DHX57: variants seen among roughly 807,000 people sequenced by gnomAD.
DHX57 encodes the protein putative ATP-dependent RNA helicase DHX57.
In DHX57, 105 loss-of-function variants were observed where a neutral mutation model predicts 156.2. The ratio of observed to expected loss-of-function variants is 0.67; its 90% CI spans 0.57 to 0.79. The LOEUF is 0.79. Among genes scored for constraint, DHX57 ranks in the 30% least tolerant of loss-of-function variants. The probability of loss-of-function intolerance (pLI) is 0.00; values close to 1 mark genes in which losing one functional copy is unlikely to be tolerated. For missense variants in DHX57, 1,847 were observed against 1,661.9 expected (o/e 1.11, Z -1.94); for synonymous variants, 704 against 595.6 (o/e 1.18, Z -2.65).
rs1273567561 is a variant in DHX57, at chr2:38,861,201, A to T, written c.1209T>A (p.Thr403=). 6.2e-7 allele frequency: 1 copy of T among 1,614,176 alleles called. No individual in the cohort carries two copies. The highest frequency in any genetic ancestry group is 1.7e-5 in the Admixed American group (1 of 60,020). The change falls in exon 5 of 24, where the codon ACT becomes ACA. Residue 403 remains threonine (T), a synonymous_variant. Coordinates refer to ENST00000457308, the MANE Select transcript of DHX57 (RefSeq NM_198963.3). The part of the protein sequence containing the change: ...LYDKALTFAE[T]SEPVVYSLIT... ...TCAAAGAATATACGACAGGTTCCGAAGTTTCCGCAAATGTCAAGGCCTTGT... is the reference window on the plus strand; with the variant it reads ...TCAAAGAATATACGACAGGTTCCGATGTTTCCGCAAATGTCAAGGCCTTGT...
rs1335256142 is a variant in DHX57, at chr2:38,798,215, C to T, written c.*84G>A. 19 of 1,532,470 alleles carry T rather than the reference C, an allele frequency of 1.2e-5. No homozygotes were observed. The East Asian group carries it at 4.1e-4, about 33-fold the overall frequency. 94.9% of individuals were successfully genotyped at this position (1,532,470 alleles called of 1,614,324 possible). ...TCCACCAGGGCCAGCCCCAATAGGTCTTTAGTTCGAGGTAGAGGTTCTGCT... is the reference window on the plus strand; with the variant it reads ...TCCACCAGGGCCAGCCCCAATAGGTTTTTAGTTCGAGGTAGAGGTTCTGCT... On this transcript the variant is annotated 3_prime_UTR_variant, in exon 24 of 24. Coordinates refer to ENST00000457308, the MANE Select transcript of DHX57 (RefSeq NM_198963.3).
intron 2 of DHX57, among the ~76,000 whole-genome samples, chr2:38,864,909 G>C (rs12712626): frequency 0.57 from 86,398 of 152,010 alleles, 26,154 homozygotes; most frequent in East Asian, 0.87. Flanking sequence ...ATTGTCAAAT[G>C]CAGTGGACAA....
In DHX57 at chr2:38,802,901, G is replaced by A. The variant is rs918313105; in HGVS notation, c.3831C>T (p.Asp1277=). The A allele has an allele frequency of 1.2e-6, 2 of 1,614,098 alleles. No homozygotes were observed. Among genetic ancestry groups the A allele is most frequent in the Middle Eastern group, 3.3e-4 (2 of 6,062 alleles). Residue 1277 remains aspartate, a synonymous_variant, in exon 23 of 24, where the codon GAC becomes GAT. Transcript: ENST00000457308. ...SSVNYQVRHF[D]SPYLLYHEKI... ...TCTCGTGGTACAACAGGTAGGGGCT[G>A]TCAAAGTGTCTCACCTGTAACAAAA...
At chr2:38,832,564 G>C (rs1436101332) in intron 13 of DHX57, among the ~76,000 whole-genome samples, 3 of 145,934 alleles carry the variant, frequency 2.1e-5, no homozygotes, top group Non-Finnish European at 4.5e-5. Flanking sequence ...TTTTTTTTTA[G>C]AGACAGAGTC....
rs1442075218 is a variant in DHX57 at position 38,854,982 on chromosome 2, C to T, written c.1905+75G>A. On this transcript the variant is annotated intron_variant, in intron 8 of 23. Coordinates refer to ENST00000457308, the MANE Select transcript of DHX57 (RefSeq NM_198963.3). ...TATATATCCCAAATTGCCCATGAAT[C>T]TCCTAACCCCCAAAACTTTTTATAC... 3 of 1,530,120 alleles carry T rather than the reference C, an allele frequency of 2.0e-6. No individual in the cohort carries two copies. In the African/African-American group the frequency reaches 4.1e-5, roughly 21 times the overall value. 94.8% of individuals were successfully genotyped at this position (1,530,120 alleles called of 1,614,324 possible). A position where few individuals can be genotyped will look rare whatever the true frequency, so the allele number is the denominator to read the frequency against.
intron 21 of DHX57, chr2:38,811,130 T>C: frequency 5.6e-6 from 3 of 537,566 alleles, no homozygotes; most frequent in South Asian, 1.7e-5. Flanking sequence ...GAGGTTCTCG[T>C]CCATGTTCCA....
chr2:38,797,913 A>AT lies in DHX57; in HGVS notation c.*385_*386insA. On this transcript the variant is annotated 3_prime_UTR_variant, in exon 24 of 24. Coordinates refer to ENST00000457308, the MANE Select transcript of DHX57 (RefSeq NM_198963.3). Reference sequence around the variant, plus strand: ...GGCGACAGGAAAAGAAAAAAAAAAAAGGCGTATTTCTCTTCATGCCCCTCT... The same window carrying AT: ...GGCGACAGGAAAAGAAAAAAAAAAAATGGCGTATTTCTCTTCATGCCCCTCT... 1 of 169,068 alleles carries AT rather than the reference A, an allele frequency of 5.9e-6. No individual in the cohort carries two copies. Among genetic ancestry groups the AT allele is most frequent in the African/African-American group, 2.4e-5 (1 of 40,864 alleles). 10.5% of individuals were successfully genotyped at this position (169,068 alleles called of 1,614,324 possible).
intron 1 of DHX57, among the ~76,000 whole-genome samples, chr2:38,874,165 T>C (rs1225049787): frequency 6.6e-6 from 1 of 152,058 alleles, no homozygotes; most frequent in African/African-American, 2.4e-5. Flanking sequence ...GATCATAGCT[T>C]ACTGCAGCCT....
At chr2:38,833,483 G>T (rs1001784791) in intron 13 of DHX57, among the ~76,000 whole-genome samples, 1 of 152,126 alleles carries the variant, frequency 6.6e-6, no homozygotes, top group Admixed American at 6.6e-5. Flanking sequence ...ATTGGGGCAA[G>T]ACAACAGATA....
chr2:38,815,750 G>A, intron 19 of DHX57, 95 bp from the exon 20 acceptor site: 6 of 1,502,462 alleles, frequency 4.0e-6, no homozygotes, highest in African/African-American at 1.4e-5. Context: ...CATTATTTCA[G>A]GGGGTAGCAA....
At chr2:38,841,129 G>C (rs982170432) in intron 12 of DHX57, among the ~76,000 whole-genome samples, 6 of 152,128 alleles carry the variant, frequency 3.9e-5, no homozygotes, top group African/African-American at 1.4e-4. Context: ...AACCTCAAAG[G>C]AATTTTCTTG....
At chr2:38,804,170 T>C (rs553314906) in intron 22 of DHX57, among the ~76,000 whole-genome samples, 1 of 152,270 alleles carries the variant, frequency 6.6e-6, no homozygotes, top group Non-Finnish European at 1.5e-5. Flanking sequence ...GTGTCTTTCC[T>C]ACCCAGCAAT....
chr2:38,826,162 G>T, intron 15 of DHX57, 115 bp from the exon 16 acceptor site: 1 of 1,100,994 alleles, frequency 9.1e-7, no homozygotes, highest in East Asian at 2.6e-5. Context: ...ACAGTGCCCT[G>T]TATATTCTGG....
chr2:38,811,583 C>T (rs3112216), intron 21 of DHX57: 404,738 of 1,303,470 alleles, frequency 0.31, 68,583 homozygotes, highest in Admixed American at 0.38. Context: ...CTTGTTCCTT[C>T]AGCCACACGA....
At chr2:38,842,753 C>T (rs1403907289) in intron 12 of DHX57, among the ~76,000 whole-genome samples, 1 of 152,088 alleles carries the variant, frequency 6.6e-6, no homozygotes, top group Non-Finnish European at 1.5e-5. Flanking sequence ...TTATATTTTA[C>T]TACCTCACAA....
At chr2:38,825,289 T>G (rs1476246785) in intron 16 of DHX57, among the ~76,000 whole-genome samples, 1 of 152,148 alleles carries the variant, frequency 6.6e-6, no homozygotes, top group Non-Finnish European at 1.5e-5. Flanking sequence ...ATTTCATTTT[T>G]ATTTTATTCA....
chr2:38,812,001 C>T (rs185587173), intron 21 of DHX57, among the ~76,000 whole-genome samples: 38 of 152,132 alleles, frequency 2.5e-4, no homozygotes, highest in Admixed American at 2.2e-3. Flanking sequence ...TCAAGCAATC[C>T]GCCCACCTCA....
intron 15 of DHX57, 82 bp from the exon 16 acceptor site, chr2:38,826,129 C>A (rs1671075269): frequency 7.2e-7 from 1 of 1,380,508 alleles, no homozygotes; most frequent in African/African-American, 1.4e-5. Context: ...AATAGATGAA[C>A]CAGCTTCCTC....
chr2:38,858,073 T>A (rs1672994357), intron 6 of DHX57, among the ~76,000 whole-genome samples: 1 of 152,194 alleles, frequency 6.6e-6, no homozygotes, highest in Non-Finnish European at 1.5e-5. Context: ...TGTTTTGTTT[T>A]GTTTTTGAGA....
Sources: allele counts gnomAD v4.1 joint callset (sites outside exome capture counted in the v4.1 genomes callset), GRCh38; gene constraint gnomAD v4.1.1; transcripts MANE v1.5; gene names NCBI Gene and HGNC (gene_info 2026-07-23, HGNC 2026-07-21).